Variants in DNAI3 observed in about 807,000 individuals in gnomAD.
The protein encoded by DNAI3 is WD repeat domain 63.
In DNAI3, 83 loss-of-function variants were observed where a neutral mutation model predicts 115.5. The ratio of observed to expected loss-of-function variants is 0.72; its 90% CI spans 0.60 to 0.86. The LOEUF (loss-of-function observed/expected upper bound fraction) is 0.86, where lower values mean the gene tolerates loss of function less well. DNAI3 is among the 40% of genes least tolerant of loss of function. The pLI is 0.00. For synonymous variants in DNAI3, 320 were observed against 347.0 expected, an observed-to-expected ratio of 0.92 and a Z score of 0.86; for missense variants, 1,004 against 1,075.8, an observed-to-expected ratio of 0.93 and a Z score of 0.93.
rs1656148690 is a variant in DNAI3 at position 85,126,602 on chromosome 1, G to A, written c.2204G>A (p.Arg735Gln). Residue 735 changes from arginine to glutamine, a missense_variant, in exon 20 of 23, where the codon CGA (arginine) becomes CAA (glutamine). Physicochemically the swap from Arg to Gln is conservative, Grantham distance 43. Coordinates refer to ENST00000294664, the MANE Select transcript of DNAI3 (RefSeq NM_145172.5). ...LTRPGVFYIG[R>Q]EDGYIDIWDL... Reference sequence around the variant, plus strand: ...CGGCCCGGAGTTTTCTACATCGGCCGAGAAGATGGATACATTGATATCTGG... The same window carrying A: ...CGGCCCGGAGTTTTCTACATCGGCCAAGAAGATGGATACATTGATATCTGG... 13 of 1,614,116 alleles carry A rather than the reference G, an allele frequency of 8.1e-6. No individual in the cohort carries two copies. Among genetic ancestry groups the A allele is most frequent in the Non-Finnish European group, 1.0e-5 (12 of 1,180,014 alleles).
chr1:85,068,598 GAGTAA>G (rs1654168717), intron 1 of DNAI3, among the ~76,000 whole-genome samples: 1 of 152,156 alleles, frequency 6.6e-6, no homozygotes, highest in African/African-American at 2.4e-5. Context: ...GGGACAGATG[GAGTAA>G]AGTAACTTCT....
chr1:85,068,324 T>C (rs531211383), intron 1 of DNAI3, among the ~76,000 whole-genome samples: 19 of 152,314 alleles, frequency 1.2e-4, no homozygotes, highest in Admixed American at 1.0e-3. Context: ...AGCAACTCCA[T>C]GCTTTCAATT....
Position 85,081,259 on chromosome 1 carries a change from A to G in DNAI3, c.129A>G (p.Val43=). The change falls in exon 4 of 23, where the codon GTA becomes GTG. Residue 43 remains valine, a synonymous_variant. Transcript: ENST00000294664. ...GTCATCCAGAAATTTATCCTTTAGT[A>G]TTAACCACCAAGACCCAAGAAATAT... ...SMGHPEIYPL[V]LTTKTQEIFN... 6.3e-7 allele frequency: 1 copy of G among 1,595,412 alleles called. No homozygotes were observed. The highest frequency in any genetic ancestry group is 8.5e-7 in the Non-Finnish European group (1 of 1,174,722).
Position 85,124,208 on chromosome 1 carries a change from C to T in DNAI3, c.2069C>T (p.Thr690Met), listed in dbSNP as rs145204612. The T allele has an allele frequency of 4.1e-5, 66 of 1,613,856 alleles. No homozygotes were observed. Among genetic ancestry groups the T allele is most frequent in the Admixed American group, 2.5e-4 (15 of 59,958 alleles). ...CCTTTCTACAACGACATTATTCTCA[C>T]GGTTGGAGGTTGGAACGTGGCCATA... ...RSPFYNDIILTVGGWNVAIWK... is the reference protein window; with the variant it reads ...RSPFYNDIILMVGGWNVAIWK... Residue 690 changes from threonine to methionine, a missense_variant, in exon 19 of 23, where the codon ACG (threonine) becomes ATG (methionine). This residue lies in a region of DNAI3 where 429 missense variants were observed against 454.3 expected (regional missense o/e 0.94). Coordinates refer to ENST00000294664, the MANE Select transcript of DNAI3 (RefSeq NM_145172.5).
Position 85,104,626 on chromosome 1 carries a change from G to A in DNAI3, c.1553+29G>A, listed in dbSNP as rs1044623721. 10 of 1,599,528 alleles carry A rather than the reference G, an allele frequency of 6.3e-6. No homozygotes were observed. In the African/African-American group the frequency reaches 1.1e-4, roughly 17 times the overall value. On this transcript the variant is annotated intron_variant, in intron 14 of 22. Transcript: ENST00000294664. ...AGTCTTGTTTCAAACATTTCCTAAT[G>A]TGTTTTCATACATGGTGTTTTTTCT...
At chr1:85,073,964 GCT>G (rs1234924990) in intron 3 of DNAI3, among the ~76,000 whole-genome samples, 1 of 152,066 alleles carries the variant, frequency 6.6e-6, no homozygotes, top group African/African-American at 2.4e-5. Flanking sequence ...AATGTAAGTG[GCT>G]CTGTTATCAG....
Position 85,097,669 on chromosome 1 carries a change from A to G in DNAI3, c.1350+14A>G. ...GCCACACTGAAGGTAAGCTTTTTAC[A>G]ACATTTCACTTGCAAGTTTTTTCCA... On this transcript the variant is annotated intron_variant, in intron 12 of 22. Transcript: ENST00000294664. The G allele has an allele frequency of 1.2e-6, 2 of 1,601,042 alleles. No homozygotes were observed. Among genetic ancestry groups the G allele is most frequent in the East Asian group, 4.5e-5 (2 of 44,566 alleles).
intron 16 of DNAI3, among the ~76,000 whole-genome samples, chr1:85,112,601 T>C (rs1461038456): frequency 6.6e-6 from 1 of 152,232 alleles, no homozygotes; most frequent in Admixed American, 6.5e-5. Flanking sequence ...ACAGTTGATA[T>C]GGTTAATCCT....
chr1:85,077,769 G>A (rs1654505930), intron 3 of DNAI3, among the ~76,000 whole-genome samples: 1 of 151,912 alleles, frequency 6.6e-6, no homozygotes, highest in African/African-American at 2.4e-5. Flanking sequence ...GCTTCATGGG[G>A]TATGTGCATA....
intron 8 of DNAI3, among the ~76,000 whole-genome samples, chr1:85,092,598 A>G (rs985068537): frequency 7.2e-5 from 11 of 152,192 alleles, no homozygotes; most frequent in African/African-American, 2.7e-4. Flanking sequence ...TAACTACTTT[A>G]AGACAGGAGC....
intron 8 of DNAI3, among the ~76,000 whole-genome samples, chr1:85,091,644 A>G (rs916742532): frequency 1.2e-4 from 19 of 152,238 alleles, no homozygotes; most frequent in African/African-American, 4.6e-4. Flanking sequence ...ATAGAATTTT[A>G]TCTAAAACAA....
intron 13 of DNAI3, among the ~76,000 whole-genome samples, chr1:85,100,978 TG>T (rs1553166769): frequency 3.0e-5 from 2 of 66,460 alleles, no homozygotes; most frequent in Non-Finnish European, 6.1e-5. Context: ...TGTTGTGGGG[TG>T]GGGGGAGGAG....
intron 16 of DNAI3, among the ~76,000 whole-genome samples, chr1:85,114,990 T>C (rs1026120179): frequency 1.3e-5 from 2 of 152,228 alleles, no homozygotes; most frequent in Admixed American, 6.5e-5. Flanking sequence ...CTTTTGGAAT[T>C]CCTCTGTTGG....
chr1:85,130,296 A>G, intron 22 of DNAI3, 184 bp downstream of exon 22: 1 of 754,712 alleles, frequency 1.3e-6, no homozygotes, highest in Non-Finnish European at 2.0e-6. Flanking sequence ...ACGTAGTGAG[A>G]TTCTGTCCAA....
chr1:85,100,344 T>C (rs1655255641), intron 13 of DNAI3, among the ~76,000 whole-genome samples: 1 of 152,186 alleles, frequency 6.6e-6, no homozygotes, highest in Non-Finnish European at 1.5e-5. Flanking sequence ...AAAGAAGACA[T>C]TTATGCAGCC....
chr1:85,111,522 G>C (rs1262094919), intron 16 of DNAI3, among the ~76,000 whole-genome samples: 2 of 152,188 alleles, frequency 1.3e-5, no homozygotes, highest in Non-Finnish European at 2.9e-5. Context: ...CCAGGGGTAC[G>C]ATGGTGAGCA....
At chr1:85,113,891 C>T (rs993175127) in intron 16 of DNAI3, among the ~76,000 whole-genome samples, 2 of 152,052 alleles carry the variant, frequency 1.3e-5, no homozygotes. Context: ...GTGTACAGGT[C>T]TTTCACCTCT....
rs555081010 is a variant in DNAI3, at chr1:85,103,609, C to T, written c.1480-915C>T. ...AAAGGATTAAAATAATTTATGAGGC[C>T]GGGCGCATGGCTCATGCCTCTAATC... is the stretch of plus-strand genomic sequence containing the variant. On this transcript the variant is annotated intron_variant, in intron 13 of 22. Coordinates refer to ENST00000294664, the MANE Select transcript of DNAI3 (RefSeq NM_145172.5). Among the ~76,000 whole-genome samples, 3 of 152,118 alleles carry T rather than the reference C, an allele frequency of 2.0e-5. No homozygotes were observed. In the East Asian group the frequency reaches 5.8e-4, roughly 29 times the overall value.
intron 2 of DNAI3, 83 bp from the exon 3 acceptor site, chr1:85,072,971 A>AT: frequency 5.9e-6 from 5 of 844,626 alleles, no homozygotes; most frequent in Non-Finnish European, 8.6e-6. Context: ...AAAAAAAAAA[A>AT]AAAGAAGAAA....
Sources: allele counts gnomAD v4.1 joint callset (sites outside exome capture counted in the v4.1 genomes callset), GRCh38; gene constraint gnomAD v4.1.1; regional missense constraint gnomAD v4.1.1; transcripts MANE v1.5; gene names NCBI Gene and HGNC (gene_info 2026-07-23, HGNC 2026-07-21).